Variants in PKD1 observed in about 807,000 individuals in gnomAD.
The protein encoded by PKD1 is polycystin 1, transient receptor potential channel interacting.
PKD1 carries 81 observed loss-of-function variants against 361.7 expected under a neutral mutation model. The observed-to-expected ratio is 0.22, with a 90% CI of 0.19 to 0.27. The LOEUF is 0.27. Among genes scored for constraint, PKD1 ranks in the 10% least tolerant of loss-of-function variants. The pLI, the probability that PKD1 is intolerant of heterozygous loss-of-function variation, is 1.00. For synonymous variants in PKD1, 3,615 were observed against 2,818.3 expected (o/e 1.28, Z -8.95); for missense variants, 6,399 against 6,118.3 (o/e 1.05, Z -1.53).
In PKD1 at chr16:2,115,419, A is replaced by G; in HGVS notation, c.2056T>C (p.Phe686Leu). 1 of 1,572,652 alleles carries G rather than the reference A, an allele frequency of 6.4e-7. No homozygotes were observed. The highest frequency in any genetic ancestry group is 2.3e-5 in the East Asian group (1 of 43,156). The stretch of plus-strand genomic sequence containing the variant: ...GGCCCCGCGGGAACGGAGAAGAGGA[A>G]CTCTCTCCATAGCGCATAGGGGGCC... Reference protein sequence around the residue: ...PGAPYALWREFLFSVPAGPPA... With the variant: ...PGAPYALWRELLFSVPAGPPA... The change falls in exon 10 of 46, where the codon TTC becomes CTC. Residue 686 changes from phenylalanine to leucine, a missense_variant. Physicochemically the swap from Phe to Leu is conservative, Grantham distance 22. Coordinates refer to ENST00000262304, the MANE Select transcript of PKD1 (RefSeq NM_001009944.3).
Position 2,093,611 on chromosome 16 carries a change from T to C in PKD1, c.10949A>G (p.His3650Arg). 5.0e-6 allele frequency: 8 copies of C among 1,609,466 alleles called. No individual in the cohort carries two copies. Among genetic ancestry groups the C allele is most frequent in the Non-Finnish European group, 6.8e-6 (8 of 1,178,384 alleles). The part of the protein sequence containing the change: ...SARVPRVRPP[H>R]GFALFLAKEE... ...CTTGGCCAGGAAGAGTGCAAAGCCGTGGGGTGGCCGTACGCGGGGCACACG... is the reference window on the plus strand; with the variant it reads ...CTTGGCCAGGAAGAGTGCAAAGCCGCGGGGTGGCCGTACGCGGGGCACACG... The change falls in exon 37 of 46, where the codon CAC becomes CGC. Residue 3650 changes from histidine to arginine, a missense_variant. His to Arg is a conservative substitution (Grantham distance 29). Transcript: ENST00000262304.
At position 2,108,020 on chromosome 16, in the gene PKD1, C is replaced by A; in HGVS notation, c.6928G>T (p.Gly2310Trp). 2 of 1,552,910 alleles carry A rather than the reference C, an allele frequency of 1.3e-6. No individual in the cohort carries two copies. The highest frequency in any genetic ancestry group is 2.4e-5 in the East Asian group (1 of 41,450). The change falls in exon 16 of 46, where the codon GGG (glycine) becomes TGG (tryptophan). Residue 2310 changes from glycine to tryptophan, a missense_variant. Transcript: ENST00000262304. The stretch of plus-strand genomic sequence containing the variant: ...CGGGGCCCAAAGTTCAGCGCACACC[C>A]GCCAGCCTCCCTCTGCAGGCCGAGA... The part of the protein sequence containing the change: ...CVASTQREAG[G>W]CALNFGPRGS...
chr16:2,090,642 A>C (rs1596474762), intron 44 of PKD1, 32 bp downstream of exon 44: 1 of 1,610,162 alleles, frequency 6.2e-7, no homozygotes, highest in South Asian at 1.1e-5. Flanking sequence ...GAGCTGAGCT[A>C]AGACGCCCTC....
intron 37 of PKD1, 54 bp downstream of exon 37, chr16:2,093,483 GGGTGGGA>G (rs1487631540): frequency 2.7e-6 from 4 of 1,455,632 alleles, no homozygotes; most frequent in South Asian, 2.4e-5. Context: ...CTGCGTGCAT[GGGTGGGA>G]GGTGGGAGAC....
Position 2,109,754 on chromosome 16 carries a change from G to A in PKD1, c.5413C>T (p.Leu1805Phe). 6.2e-7 allele frequency: 1 copy of A among 1,609,556 alleles called. No individual in the cohort carries two copies. The highest frequency in any genetic ancestry group is 1.1e-5 in the South Asian group (1 of 90,776). Residue 1805 changes from leucine (L) to phenylalanine (F), a missense_variant, in exon 15 of 46, where the codon CTC becomes TTC. Leu to Phe is a conservative substitution (Grantham distance 22). Coordinates refer to ENST00000262304, the MANE Select transcript of PKD1 (RefSeq NM_001009944.3). ...CCGGGCTCGCTGGCCCTGATGCTGA[G>A]GCCACTCACAGGCACCTGCACATCC... Reference protein sequence around the residue: ...EVDVQVPVSGLSIRASEPGGS... With the variant: ...EVDVQVPVSGFSIRASEPGGS...
In PKD1 at chr16:2,103,496, T is replaced by C. The variant is rs368820097; in HGVS notation, c.8561A>G (p.Gln2854Arg). The C allele has an allele frequency of 2.4e-5, 38 of 1,603,614 alleles. No individual in the cohort carries two copies. The African/African-American group carries it at 4.7e-4, about 20-fold the overall frequency. The stretch of plus-strand genomic sequence containing the variant: ...GGGGATCTGGGCGCCGGCCTGTGTC[T>C]GGAATGCCATCGAGGCCACCTTGGT... ...VSTKVASMAF[Q>R]TQAGAQIPIE... Residue 2854 changes from glutamine (Q) to arginine (R), a missense_variant, in exon 23 of 46, where the codon CAG (glutamine) becomes CGG (arginine). Physicochemically the swap from Gln to Arg is conservative, Grantham distance 43. Coordinates refer to ENST00000262304, the MANE Select transcript of PKD1 (RefSeq NM_001009944.3).
chr16:2,110,497 C>A lies in PKD1; in HGVS notation c.4670G>T (p.Arg1557Leu), dbSNP rs241572. 13 of 1,612,184 alleles carry A rather than the reference C, an allele frequency of 8.1e-6. No homozygotes were observed. Among genetic ancestry groups the A allele is most frequent in the African/African-American group, 2.7e-5 (2 of 74,926 alleles). The change falls in exon 15 of 46, where the codon CGC becomes CTC. Residue 1557 changes from arginine to leucine, a missense_variant. Coordinates refer to ENST00000262304, the MANE Select transcript of PKD1 (RefSeq NM_001009944.3). ...RVRGLVVNASRTVVPLNGSVS... is the reference protein window; with the variant it reads ...RVRGLVVNASLTVVPLNGSVS... ...GCTCCCATTCAGGGGCACCACCGTG[C>A]GGCTTGCATTGACGACGAGCCCCCG...
Position 2,090,315 on chromosome 16 carries a change from G to T in PKD1, c.12414C>A (p.Arg4138=). The change falls in exon 45 of 46, where the codon CGC becomes CGA. Residue 4138 remains arginine (R), a synonymous_variant. Transcript: ENST00000262304. Reference sequence around the variant, plus strand: ...TGACCTTGCTGAGGCCCATCCAGAGGCGCAGCCTGCGCAGGAACAACTCCA... The same window carrying T: ...TGACCTTGCTGAGGCCCATCCAGAGTCGCAGCCTGCGCAGGAACAACTCCA... ...EMVELFLRRL[R]LWMGLSKVKE... 3 of 1,611,662 alleles carry T rather than the reference G, an allele frequency of 1.9e-6. No individual in the cohort carries two copies. The highest frequency in any genetic ancestry group is 2.5e-6 in the Non-Finnish European group (3 of 1,179,266).
In PKD1 at chr16:2,118,463, C is replaced by G; in HGVS notation, c.530-1G>C. On this transcript the variant is annotated splice_acceptor_variant, in intron 4 of 45. Coordinates refer to ENST00000262304, the MANE Select transcript of PKD1 (RefSeq NM_001009944.3). LOFTEE classifies it high-confidence loss of function. This position sits in a 1 kb window ranked among gnomAD's most constrained non-coding sequence, Gnocchi z 6.0. ...GGGAGGCAGGCGACATACTCCTCACCTAGAAGAGGCAGCCACTGGACCCCG... is the reference window on the plus strand; with the variant it reads ...GGGAGGCAGGCGACATACTCCTCACGTAGAAGAGGCAGCCACTGGACCCCG... 9 of 1,267,978 alleles carry G rather than the reference C, an allele frequency of 7.1e-6. No individual in the cohort carries two copies. The highest frequency in any genetic ancestry group is 1.0e-5 in the Non-Finnish European group (9 of 900,350). The allele number at this position is 1,267,978 out of a possible 1,614,324, so 78.5% of individuals were successfully genotyped here.
Position 2,090,946 on chromosome 16 carries a change from C to T in PKD1, c.11941G>A (p.Ala3981Thr). 1.9e-6 allele frequency: 3 copies of T among 1,566,510 alleles called. No homozygotes were observed. Among genetic ancestry groups the T allele is most frequent in the Non-Finnish European group, 2.6e-6 (3 of 1,162,804 alleles). The change falls in exon 43 of 46, where the codon GCG (alanine) becomes ACG (threonine). Residue 3981 changes from alanine (A) to threonine (T), a missense_variant. Coordinates refer to ENST00000262304, the MANE Select transcript of PKD1 (RefSeq NM_001009944.3). ...CCACGGGCTGCGGAGCTCAGCTGCG[C>T]CACCTGGTCGAAGCTAGTGAAGCGG... is the stretch of plus-strand genomic sequence containing the variant. ...PRRFTSFDQV[A>T]QLSSAARGLA...
intron 1 of PKD1, among the ~76,000 whole-genome samples, chr16:2,121,802 G>A (rs948995575): frequency 3.0e-4 from 45 of 152,300 alleles, no homozygotes; most frequent in African/African-American, 1.1e-3. Context: ...AGGACCCCGA[G>A]GCCTCACCTC....
Position 2,090,676 on chromosome 16 carries a change from G to T in PKD1, c.12136C>A (p.Leu4046Met). The T allele has an allele frequency of 1.2e-6, 2 of 1,612,104 alleles. No individual in the cohort carries two copies. The highest frequency in any genetic ancestry group is 1.1e-5 in the South Asian group (1 of 91,086). Residue 4046 changes from leucine to methionine, a missense_variant and splice_region_variant, in exon 44 of 46, where the codon CTG (leucine) becomes ATG (methionine). Physicochemically the swap from Leu to Met is conservative, Grantham distance 15. Transcript: ENST00000262304. ...LGVAYAQLAI[L>M]LVSSCVDSLW... ...TCCCCGGCCGCGCAGTCACCTACCAGGATGGCCAGCTGGGCGTAGGCTACC... is the reference window on the plus strand; with the variant it reads ...TCCCCGGCCGCGCAGTCACCTACCATGATGGCCAGCTGGGCGTAGGCTACC...
Position 2,118,575 on chromosome 16 carries a change from C to A in PKD1, c.529+101G>T. ...CCATGCTGTTCCCTTGGCCCGGAGG[C>A]CCCCCCCAGAGAGGCCTTCCTGAGC... is the stretch of plus-strand genomic sequence containing the variant. On this transcript the variant is annotated intron_variant, in intron 4 of 45. Transcript: ENST00000262304. This position sits in a 1 kb window ranked among gnomAD's most constrained non-coding sequence, Gnocchi z 6.0. 1 of 890,964 alleles carries A rather than the reference C, an allele frequency of 1.1e-6. No individual in the cohort carries two copies. The highest frequency in any genetic ancestry group is 1.8e-6 in the Non-Finnish European group (1 of 561,386). 55.2% of individuals were successfully genotyped at this position (890,964 alleles called of 1,614,324 possible).
At chr16:2,113,568 A>G (rs577095773) in intron 11 of PKD1, among the ~76,000 whole-genome samples, 1 of 151,364 alleles carries the variant, frequency 6.6e-6, no homozygotes, top group African/African-American at 2.5e-5. Context: ...CAAAGAGTCC[A>G]CCTCTCTCTG....
intron 42 of PKD1, 99 bp downstream of exon 42, chr16:2,091,324 G>A (rs1331841425): frequency 1.3e-5 from 7 of 545,726 alleles, no homozygotes; most frequent in Middle Eastern, 8.3e-4. Flanking sequence ...GCGAGGGGGC[G>A]GGGCGCTGCG....
chr16:2,095,592 T>C (rs1263609278), intron 34 of PKD1, among the ~76,000 whole-genome samples: 5 of 152,102 alleles, frequency 3.3e-5, no homozygotes, highest in African/African-American at 1.2e-4. Flanking sequence ...GGGTGCAGGC[T>C]CAGGCGCAGG....
Position 2,118,618 on chromosome 16 carries a change from G to A in PKD1, c.529+58C>T, listed in dbSNP as rs1200952278. ...TCCTGAGCCCTGCCCAGTGTCTGCA[G>A]GGCCCAGGTCCCACCTGGCTGGGAA... On this transcript the variant is annotated intron_variant, in intron 4 of 45. Transcript: ENST00000262304. The surrounding 1 kb of genome is among the most constrained non-coding windows in gnomAD (Gnocchi z 6.0). The A allele has an allele frequency of 1.0e-5, 9 of 871,412 alleles. No homozygotes were observed. Among genetic ancestry groups the A allele is most frequent in the African/African-American group, 1.7e-5 (1 of 60,542 alleles). 54.0% of individuals were successfully genotyped at this position (871,412 alleles called of 1,614,324 possible). A position where few individuals can be genotyped will look rare whatever the true frequency, so the allele number is the denominator to read the frequency against.
At chr16:2,092,002 T>A in intron 40 of PKD1, 45 bp downstream of exon 40, 1 of 1,612,498 alleles carries the variant, frequency 6.2e-7, no homozygotes, top group South Asian at 1.1e-5. Context: ...GGAGAACTAC[T>A]CCCTTGTCCT....
intron 16 of PKD1, chr16:2,107,468 G>A (rs192098450): frequency 2.4e-5 from 9 of 367,486 alleles, no homozygotes; most frequent in East Asian, 6.8e-5. Context: ...AGCAGGCCCC[G>A]CCTGACAGCA....
Sources: gnomAD v4.1 joint callset for allele counts (sites outside exome capture counted in the v4.1 genomes callset) on GRCh38, gnomAD v4.1.1 for gene constraint, Gnocchi (gnomAD v3.1) non-coding constraint, MANE v1.5 for transcripts, NCBI Gene and HGNC (gene_info 2026-07-23, HGNC 2026-07-21) for gene names.